PDE4D: variants seen among roughly 807,000 people sequenced by gnomAD.
PDE4D encodes the protein phosphodiesterase 4D.
A neutral mutation model predicts 87.4 loss-of-function variants in PDE4D; 24 were observed. The observed-to-expected ratio is 0.27, with a 90% CI of 0.20 to 0.39. The LOEUF (loss-of-function observed/expected upper bound fraction) is 0.39. Among genes scored for constraint, PDE4D ranks in the 10% least tolerant of loss-of-function variants. The pLI is 1.00. For synonymous variants in PDE4D, 384 were observed against 383.2 expected, an observed-to-expected ratio of 1.00 and a Z score of -0.02; for missense variants, 714 against 1,041.0, an observed-to-expected ratio of 0.69 and a Z score of 4.32.
chr5:59,783,062 A>G (rs1346945101), intron 1 of PDE4D, among the ~76,000 whole-genome samples: 2 of 152,198 alleles, frequency 1.3e-5, no homozygotes, highest in African/African-American at 4.8e-5. Flanking sequence ...TATAACTCAT[A>G]TTACCCAGGA....
intron 5 of PDE4D, among the ~76,000 whole-genome samples, chr5:59,139,935 C>A (rs1777651353): frequency 6.6e-6 from 1 of 152,180 alleles, no homozygotes; most frequent in South Asian, 2.1e-4. Context: ...ACATACAAGT[C>A]TAAGTTTCAT....
intron 1 of PDE4D, among the ~76,000 whole-genome samples, chr5:59,655,490 T>C (rs535265600): frequency 2.0e-5 from 3 of 152,324 alleles, no homozygotes; most frequent in African/African-American, 7.2e-5. Context: ...ATATGCAATA[T>C]TTTACATCCT....
intron 1 of PDE4D, among the ~76,000 whole-genome samples, chr5:59,860,720 C>T (rs556586005): frequency 3.1e-4 from 47 of 152,040 alleles, no homozygotes; most frequent in Middle Eastern, 3.4e-3. Flanking sequence ...AAATATAAAC[C>T]GAAGGTCCTC....
At chr5:59,529,602 A>G (rs894480505) in intron 1 of PDE4D, among the ~76,000 whole-genome samples, 7 of 152,190 alleles carry the variant, frequency 4.6e-5, no homozygotes, top group Admixed American at 3.3e-4. Context: ...TTCAACAAAA[A>G]AGTTTGTTTC....
At chr5:59,392,525 T>C (rs1274309033) in intron 1 of PDE4D, among the ~76,000 whole-genome samples, 1 of 96,760 alleles carries the variant, frequency 1.0e-5, no homozygotes, top group African/African-American at 4.2e-5. Flanking sequence ...ATATATATAT[T>C]CCATTAATTC....
At chr5:60,396,719 T>C (rs1352890182) in intron 1 of PDE4D, among the ~76,000 whole-genome samples, 4 of 152,130 alleles carry the variant, frequency 2.6e-5, no homozygotes, top group Admixed American at 2.6e-4. Flanking sequence ...CTGGAGATTT[T>C]GCCCCCAGAC....
At chr5:60,049,625 G>A (rs544766392) in intron 2 of PDE4D, among the ~76,000 whole-genome samples, 4 of 152,314 alleles carry the variant, frequency 2.6e-5, no homozygotes, top group South Asian at 4.2e-4. Flanking sequence ...GTACCCAGCC[G>A]TGTGAGGTGT....
In PDE4D at chr5:58,993,394, C is replaced by T. The variant is rs768712121; in HGVS notation, c.993G>A (p.Glu331=). 30 of 1,596,028 alleles carry T rather than the reference C, an allele frequency of 1.9e-5. No homozygotes were observed. In the East Asian group the frequency reaches 4.3e-4, roughly 23 times the overall value. The change falls in exon 7 of 15, where the codon GAG becomes GAA. Residue 331 remains glutamate (E), a synonymous_variant. Coordinates refer to ENST00000340635, the MANE Select transcript of PDE4D (RefSeq NM_001104631.2). ...EMSRSGNQVS[E]FISNTFLDKQ... is the part of the protein sequence containing the mutation. ...CACCTAAGAATGTGTTTGATATAAACTCTGACACTTGATTTCCAGACCGAC... is the reference window on the plus strand; with the variant it reads ...CACCTAAGAATGTGTTTGATATAAATTCTGACACTTGATTTCCAGACCGAC...
intron 1 of PDE4D, among the ~76,000 whole-genome samples, chr5:59,727,981 T>C (rs1756844957): frequency 6.6e-6 from 1 of 152,120 alleles, no homozygotes; most frequent in Admixed American, 6.6e-5. Context: ...TATCTTTGCA[T>C]CTTGTCTTCT....
chr5:59,199,864 A>C (rs761799621), intron 2 of PDE4D, among the ~76,000 whole-genome samples: 12 of 152,118 alleles, frequency 7.9e-5, no homozygotes, highest in African/African-American at 2.9e-4. Flanking sequence ...ATACATGTAC[A>C]TATATACATA....
rs1743268253 is a variant in PDE4D, at chr5:58,974,697, G to A, written c.2397C>T (p.Ala799=). The change falls in exon 15 of 15, where the codon GCC becomes GCT. Residue 799 remains alanine, a synonymous_variant. Transcript: ENST00000340635. ...VGEEEESQPE[A]CVIDDRSPDT ...CAGGAGAACGATCATCTATGACACA[G>A]GCTTCAGGCTGGCTTTCCTCTTCTT... The A allele has an allele frequency of 6.2e-7, 1 of 1,606,966 alleles. No homozygotes were observed. The highest frequency in any genetic ancestry group is 1.1e-5 in the South Asian group (1 of 90,348).
intron 1 of PDE4D, among the ~76,000 whole-genome samples, chr5:59,326,765 G>A (rs919400529): frequency 6.6e-5 from 10 of 152,044 alleles, no homozygotes; most frequent in Admixed American, 2.0e-4. Flanking sequence ...ATAGATGTGT[G>A]ATCTTGCTTG....
intron 1 of PDE4D, among the ~76,000 whole-genome samples, chr5:59,328,645 A>G (rs1171200617): frequency 6.6e-6 from 1 of 152,168 alleles, no homozygotes; most frequent in African/African-American, 2.4e-5. Flanking sequence ...GCCTTGGTAC[A>G]TGTGTGGCTT....
At chr5:59,950,688 G>T (rs990793921) in intron 3 of PDE4D, among the ~76,000 whole-genome samples, 2 of 151,998 alleles carry the variant, frequency 1.3e-5, no homozygotes. Flanking sequence ...GCTATGAGGT[G>T]GATAAGAATA....
chr5:59,654,300 G>A (rs550284591), intron 1 of PDE4D, among the ~76,000 whole-genome samples: 5 of 152,262 alleles, frequency 3.3e-5, no homozygotes, highest in South Asian at 4.1e-4. Flanking sequence ...ATCATCTAGC[G>A]TTTTTCAGTA....
In PDE4D at chr5:60,375,250, T is replaced by C. The variant is rs1583565696; in HGVS notation, c.-90+112692A>G. ...TTTACCCTATGAGGACAGGGACATA[T>C]CTGTCTCTTTCTCCCCAGCTACAGC... On this transcript the variant is annotated intron_variant, in intron 1 of 16. Transcript: ENST00000502484. Among the ~76,000 whole-genome samples the C allele has an allele frequency of 3.9e-5, 6 of 152,332 alleles. No homozygotes were observed. The South Asian group carries it at 1.2e-3, about 32-fold the overall frequency.
At chr5:59,164,374 GA>G (rs1261430102) in intron 5 of PDE4D, among the ~76,000 whole-genome samples, 5 of 152,054 alleles carry the variant, frequency 3.3e-5, no homozygotes, top group Non-Finnish European at 7.4e-5. Flanking sequence ...GTACAGTCAA[GA>G]AAAAAATGTT....
intron 1 of PDE4D, chr5:59,357,021 G>T: frequency 1.4e-6 from 1 of 702,424 alleles, no homozygotes. Flanking sequence ...GGCAGGGCTG[G>T]AAGGGATGGC....
chr5:59,639,022 G>A (rs899584028), intron 1 of PDE4D, among the ~76,000 whole-genome samples: 1 of 151,950 alleles, frequency 6.6e-6, no homozygotes, highest in Non-Finnish European at 1.5e-5. Context: ...GTGGGAAGTA[G>A]GAAGAGAAAA....
Sources: gnomAD v4.1 joint callset for allele counts (sites outside exome capture counted in the v4.1 genomes callset) on GRCh38, gnomAD v4.1.1 for gene constraint, MANE v1.5 for transcripts, NCBI Gene and HGNC (gene_info 2026-07-23, HGNC 2026-07-21) for gene names.